The following ZC3H12B variants were observed in gnomAD, a reference collection of about 807,000 sequenced individuals.
ZC3H12B encodes zinc finger CCCH-type containing 12B.
ZC3H12B carries 7 observed loss-of-function variants against 43.9 expected under a neutral mutation model. The observed-to-expected ratio is 0.16, with a 90% CI of 0.09 to 0.30. The LOEUF (loss-of-function observed/expected upper bound fraction) is 0.30, where lower values mean the gene tolerates loss of function less well. Among genes scored for constraint, ZC3H12B ranks in the 10% least tolerant of loss-of-function variants. The pLI is 1.00. For synonymous variants in ZC3H12B, 222 were observed against 241.7 expected (o/e 0.92, Z 0.76); for missense variants, 475 against 670.2 (o/e 0.71, Z 3.22).
chrX:65,132,455 G>A, the ZC3H12B span, among the ~76,000 whole-genome samples: 132 of 109,946 alleles, frequency 1.2e-3, no homozygotes, highest in African/African-American at 4.2e-3. Context: ...GTGCATGGTC[G>A]GCACTAAGGA....
At chrX:65,188,664 G>C in the ZC3H12B span, among the ~76,000 whole-genome samples, 1 of 110,507 alleles carries the variant, frequency 9.0e-6, no homozygotes, top group African/African-American at 3.3e-5. Flanking sequence ...TATTTTATTT[G>C]TAGCTATGGT....
the ZC3H12B span, among the ~76,000 whole-genome samples, chrX:65,285,119 AT>A: frequency 9.1e-6 from 1 of 110,020 alleles, no homozygotes; most frequent in Non-Finnish European, 1.9e-5. Flanking sequence ...AATTATTATT[AT>A]TATTATTATT....
At position 65,448,681 on chromosome X, in the gene ZC3H12B, G is replaced by T. The variant is rs191764963; in HGVS notation, n.408-39965G>T. 9.1e-5 allele frequency among the ~76,000 whole-genome samples: 10 copies of T among 109,915 alleles called. 1 individual carries two copies. Among genetic ancestry groups the T allele is most frequent in the Admixed American group, 8.9e-4 (9 of 10,143 alleles). On this transcript the variant is annotated intron_variant and non_coding_transcript_variant, in intron 3 of 5. Coordinates refer to the ZC3H12B transcript ENST00000617377. ...AAAATATAAAAATTAGCTGGACGTG[G>T]TGGCACATGCCTGTAAGCCCAGCTA...
chrX:65,351,026 G>A, the ZC3H12B span, among the ~76,000 whole-genome samples: 11 of 111,818 alleles, frequency 9.8e-5, no homozygotes, highest in Admixed American at 9.5e-4. Flanking sequence ...ACAATCCTGG[G>A]CAAGAAGAAA....
At chrX:65,119,765 T>A in the ZC3H12B span, among the ~76,000 whole-genome samples, 2 of 112,005 alleles carry the variant, frequency 1.8e-5, no homozygotes, top group Admixed American at 9.5e-5. Flanking sequence ...TCTTCTAGGA[T>A]TTTTATGGTT....
At chrX:65,301,174 TA>T in the ZC3H12B span, among the ~76,000 whole-genome samples, 3 of 107,810 alleles carry the variant, frequency 2.8e-5, no homozygotes, top group Admixed American at 9.9e-5. Context: ...AATAAAAATT[TA>T]AAAAAAAAAT....
the ZC3H12B span, among the ~76,000 whole-genome samples, chrX:65,218,986 C>G: frequency 8.9e-6 from 1 of 112,030 alleles, no homozygotes; most frequent in African/African-American, 3.2e-5. Flanking sequence ...GAAGACAGAT[C>G]ATATTACAAG....
At chrX:65,118,449 A>C in the ZC3H12B span, among the ~76,000 whole-genome samples, 4 of 111,420 alleles carry the variant, frequency 3.6e-5, no homozygotes, top group African/African-American at 9.8e-5. Flanking sequence ...TTATCAGCTT[A>C]AGGAGATTTT....
At chrX:65,316,378 A>G in the ZC3H12B span, among the ~76,000 whole-genome samples, 2 of 111,854 alleles carry the variant, frequency 1.8e-5, no homozygotes, top group African/African-American at 6.5e-5. Context: ...TTGAAATGAA[A>G]GCAAAATTTT....
chrX:65,114,229 T>C, the ZC3H12B span, among the ~76,000 whole-genome samples: 1 of 107,251 alleles, frequency 9.3e-6, no homozygotes, highest in African/African-American at 3.3e-5. Context: ...TTGTACTGTT[T>C]TTTTGTTCTA....
the ZC3H12B span, among the ~76,000 whole-genome samples, chrX:65,170,133 G>T: frequency 8.9e-6 from 1 of 111,885 alleles, no homozygotes; most frequent in Non-Finnish European, 1.9e-5. Context: ...TAGCACCAAT[G>T]ATCTTTACAA....
At chrX:65,244,727 C>CAAAAAAAAAA in the ZC3H12B span, among the ~76,000 whole-genome samples, 22 of 20,368 alleles carry the variant, frequency 1.1e-3, no homozygotes, top group African/African-American at 4.0e-3. Context: ...AATACCTTGC[C>CAAAAAAAAAA]AAAAAAAAAA....
At chrX:65,144,702 T>A in the ZC3H12B span, among the ~76,000 whole-genome samples, 6 of 111,806 alleles carry the variant, frequency 5.4e-5, no homozygotes, top group Admixed American at 9.5e-5. Flanking sequence ...AATTTTTTTT[T>A]AATTTTCATC....
the ZC3H12B span, among the ~76,000 whole-genome samples, chrX:65,299,553 G>A: frequency 8.9e-6 from 1 of 111,963 alleles, no homozygotes; most frequent in African/African-American, 3.2e-5. Flanking sequence ...TTCCTGAACC[G>A]ACAAATAATA....
At chrX:65,343,816 T>C in the ZC3H12B span, among the ~76,000 whole-genome samples, 14 of 111,510 alleles carry the variant, frequency 1.3e-4, no homozygotes, top group Admixed American at 1.3e-3. Flanking sequence ...TATTGGAGGT[T>C]CTCACCAGAT....
At chrX:65,445,447 C>T (rs1475743057) in intron 3 of ZC3H12B, among the ~76,000 whole-genome samples, 2 of 112,401 alleles carry the variant, frequency 1.8e-5, no homozygotes, top group East Asian at 2.8e-4. Context: ...AAGAGAAATC[C>T]CTGGATTACC....
At chrX:65,151,611 T>C in the ZC3H12B span, among the ~76,000 whole-genome samples, 1 of 111,760 alleles carries the variant, frequency 8.9e-6, no homozygotes, top group Admixed American at 9.5e-5. Flanking sequence ...TCCTAAAAGG[T>C]ATAACTTTGT....
the ZC3H12B span, among the ~76,000 whole-genome samples, chrX:65,123,520 A>G: frequency 9.1e-6 from 1 of 110,254 alleles, no homozygotes; most frequent in Admixed American, 9.7e-5. Flanking sequence ...GTGATGAATG[A>G]TGGTGGTATT....
the ZC3H12B span, among the ~76,000 whole-genome samples, chrX:65,148,256 C>A: frequency 9.2e-6 from 1 of 108,561 alleles, no homozygotes; most frequent in African/African-American, 3.4e-5. Context: ...GATCTGAAAT[C>A]TTGGACGGGC....
Sources: gnomAD v4.1 joint callset for allele counts (sites outside exome capture counted in the v4.1 genomes callset) on GRCh38, gnomAD v4.1.1 for gene constraint, MANE v1.5 for transcripts, NCBI Gene and HGNC (gene_info 2026-07-23, HGNC 2026-07-21) for gene names.